The following SLC67A1 variants were observed in gnomAD, a reference collection of about 807,000 sequenced individuals.
SLC67A1 encodes the protein solute carrier family 67 member A1.
At chr11:2,903,638 G>A in the SLC67A1 span, 2 of 826,380 alleles carry the variant, frequency 2.4e-6, no homozygotes, top group Non-Finnish European at 3.9e-6. Flanking sequence ...CGCTTAAGCT[G>A]AGTAAGTTAA....
chr11:2,908,342 G>C, the SLC67A1 span: 1 of 1,594,804 alleles, frequency 6.3e-7, no homozygotes. Context: ...TACAGTGTGT[G>C]TGTGTACAGG....
chr11:2,921,482 C>T, the SLC67A1 span: 2 of 158,222 alleles, frequency 1.3e-5, no homozygotes, highest in Non-Finnish European at 2.8e-5. Context: ...GCCCAGCACG[C>T]CCTGCTTAGT....
the SLC67A1 span, chr11:2,922,652 G>C: frequency 2.2e-6 from 1 of 456,696 alleles, no homozygotes; most frequent in Admixed American, 3.6e-5. Context: ...GTGTGGGGTG[G>C]GTAGGGTGGG....
the SLC67A1 span, chr11:2,924,909 AG>A: frequency 1.9e-6 from 2 of 1,075,544 alleles, no homozygotes; most frequent in Admixed American, 2.3e-5. This position sits in a 1 kb window ranked among gnomAD's most constrained non-coding sequence, Gnocchi z 8.6. Context: ...CCGTGAGGTC[AG>A]GGTGGGTCAG....
chr11:2,916,419 G>A, the SLC67A1 span: 1 of 523,458 alleles, frequency 1.9e-6, no homozygotes, highest in Admixed American at 3.6e-5. Context: ...GGGATGGTGA[G>A]CGCCCCACCC....
the SLC67A1 span, among the ~76,000 whole-genome samples, chr11:2,901,119 T>G: frequency 6.6e-6 from 1 of 152,216 alleles, no homozygotes; most frequent in East Asian, 1.9e-4. Flanking sequence ...AAAATGGCAC[T>G]GAGAGACAGG....
At chr11:2,900,641 C>T in the SLC67A1 span, among the ~76,000 whole-genome samples, 2 of 139,898 alleles carry the variant, frequency 1.4e-5, no homozygotes, top group African/African-American at 2.7e-5. Context: ...TGCAGCGAGC[C>T]GAGATCGCGC....
At chr11:2,901,746 G>A in the SLC67A1 span, among the ~76,000 whole-genome samples, 1 of 152,202 alleles carries the variant, frequency 6.6e-6, no homozygotes, top group East Asian at 1.9e-4. Context: ...CTCCGGGTCT[G>A]GGGAGGGAAG....
the SLC67A1 span, among the ~76,000 whole-genome samples, chr11:2,913,490 G>T: frequency 1.3e-5 from 2 of 152,228 alleles, no homozygotes; most frequent in Non-Finnish European, 2.9e-5. Flanking sequence ...CACGAGGACT[G>T]GGAAGGGTCA....
At chr11:2,909,124 G>C in the SLC67A1 span, 1 of 1,364,410 alleles carries the variant, frequency 7.3e-7, no homozygotes, top group Non-Finnish European at 9.6e-7. Context: ...GCCCCGCCTG[G>C]GCAGCCCCTG....
the SLC67A1 span, among the ~76,000 whole-genome samples, chr11:2,910,825 C>T: frequency 6.6e-6 from 1 of 152,204 alleles, no homozygotes; most frequent in African/African-American, 2.4e-5. Context: ...GCCCAAGCAG[C>T]CTGGGGTGCC....
the SLC67A1 span, chr11:2,899,751 T>C: frequency 1.9e-5 from 28 of 1,438,372 alleles, no homozygotes; most frequent in Admixed American, 6.4e-4. Flanking sequence ...CGATTTCCTC[T>C]GCTCAACCAG....
At chr11:2,909,476 G>GGCGGGGGGCGAC in the SLC67A1 span, 9 of 1,438,208 alleles carry the variant, frequency 6.3e-6, no homozygotes, top group Non-Finnish European at 7.3e-6. Flanking sequence ...GCTGGACGGG[G>GGCGGGGGGCGAC]GTGGGGGGCG....
the SLC67A1 span, chr11:2,915,030 G>T: frequency 1.0e-6 from 1 of 985,468 alleles, no homozygotes; most frequent in Middle Eastern, 5.2e-4. Context: ...GACGTCCTGG[G>T]CGGTGGGTGC....
chr11:2,911,000 T>G, the SLC67A1 span, among the ~76,000 whole-genome samples: 1 of 150,692 alleles, frequency 6.6e-6, no homozygotes, highest in Non-Finnish European at 1.5e-5. Flanking sequence ...GGCTGGGAGG[T>G]GAGGAGGGAG....
the SLC67A1 span, among the ~76,000 whole-genome samples, chr11:2,911,713 C>T: frequency 3.9e-5 from 6 of 152,202 alleles, no homozygotes; most frequent in East Asian, 1.9e-4. Context: ...TGGGAGGGTC[C>T]GAGCTCGCTC....
the SLC67A1 span, chr11:2,918,151 G>A: frequency 9.3e-4 from 1,297 of 1,396,204 alleles, 14 homozygotes; most frequent in African/African-American, 0.016. Context: ...TCCCAGCTGC[G>A]GCCAGGGCCC....
At chr11:2,900,754 C>A in the SLC67A1 span, among the ~76,000 whole-genome samples, 1 of 147,238 alleles carries the variant, frequency 6.8e-6, no homozygotes, top group Non-Finnish European at 1.5e-5. Flanking sequence ...TGCTTAGGCT[C>A]AACAAAGTAT....
chr11:2,903,618 A>C, the SLC67A1 span: 1 of 959,242 alleles, frequency 1.0e-6, no homozygotes, highest in Non-Finnish European at 1.5e-6. Context: ...CCCAGTTGGG[A>C]CTCATGCCAC....
Sources: allele counts gnomAD v4.1 joint callset (sites outside exome capture counted in the v4.1 genomes callset), GRCh38; gene constraint gnomAD v4.1.1; non-coding constraint Gnocchi (gnomAD v3.1); transcripts MANE v1.5; gene names NCBI Gene and HGNC (gene_info 2026-07-23, HGNC 2026-07-21).